SNX29: variants seen among roughly 807,000 people sequenced by gnomAD.
The protein encoded by SNX29 is sorting nexin 29, also known as sorting nexin-29.
Under a neutral mutation model 102.1 loss-of-function variants are expected in SNX29, and 78 were observed. The ratio of observed to expected loss-of-function variants is 0.76; its 90% CI spans 0.64 to 0.92. The LOEUF is 0.92. Among genes scored for constraint, SNX29 ranks in the 40% least tolerant of loss-of-function variants. The probability of loss-of-function intolerance (pLI) is 0.00; values close to 1 mark genes in which losing one functional copy is unlikely to be tolerated. For missense variants in SNX29, 1,280 were observed against 1,061.7 expected, an observed-to-expected ratio of 1.21 and a Z score of -2.86; for synonymous variants, 580 against 414.5, an observed-to-expected ratio of 1.40 and a Z score of -4.85.
intron 15 of SNX29, among the ~76,000 whole-genome samples, chr16:12,355,101 G>T (rs1004985318): frequency 6.6e-6 from 1 of 152,088 alleles, no homozygotes; most frequent in African/African-American, 2.4e-5. Context: ...TTTATAAAGG[G>T]TCTAAGTGGC....
At chr16:12,018,754 T>G (rs1460461032) in intron 3 of SNX29, among the ~76,000 whole-genome samples, 2 of 150,788 alleles carry the variant, frequency 1.3e-5, no homozygotes, top group South Asian at 2.1e-4. Context: ...GTCTTTTTTT[T>G]TTTTTTCCTT....
At chr16:12,244,177 T>C (rs1400106179) in intron 14 of SNX29, among the ~76,000 whole-genome samples, 1 of 152,110 alleles carries the variant, frequency 6.6e-6, no homozygotes, top group Non-Finnish European at 1.5e-5. Flanking sequence ...GCCACTCAAC[T>C]CCTGCTGTGT....
rs551748133 is a variant in SNX29 at position 12,157,457 on chromosome 16, G to A, written c.1595+27699G>A. On this transcript the variant is annotated intron_variant, in intron 13 of 20. Transcript: ENST00000566228. ...TAAAGGAACTTCTCTTATTGCCCAG[G>A]GCGGGAGGTTTCACAGCAGCCGTTT... is the stretch of plus-strand genomic sequence containing the variant. Among the ~76,000 whole-genome samples the A allele has an allele frequency of 2.0e-5, 3 of 152,294 alleles. No homozygotes were observed. The East Asian group carries it at 5.8e-4, about 29-fold the overall frequency.
chr16:12,255,916 A>G (rs562798536), intron 14 of SNX29, among the ~76,000 whole-genome samples: 1 of 152,186 alleles, frequency 6.6e-6, no homozygotes, highest in African/African-American at 2.4e-5. Flanking sequence ...GCTGGATCAT[A>G]TGGCAGCTCT....
intron 7 of SNX29, among the ~76,000 whole-genome samples, chr16:12,051,547 G>A (rs2151216953): frequency 6.6e-6 from 1 of 152,286 alleles, no homozygotes; most frequent in South Asian, 2.1e-4. Context: ...CCAAAGTGAA[G>A]CATTGAAGAT....
intron 15 of SNX29, among the ~76,000 whole-genome samples, chr16:12,352,058 A>G (rs1002793311): frequency 3.3e-5 from 5 of 152,186 alleles, no homozygotes; most frequent in Non-Finnish European, 7.3e-5. Flanking sequence ...CTGCCCAGCC[A>G]TGATTTGTTA....
intron 13 of SNX29, among the ~76,000 whole-genome samples, chr16:12,199,143 C>G (rs1368163401): frequency 6.6e-6 from 1 of 152,214 alleles, no homozygotes; most frequent in Non-Finnish European, 1.5e-5. Flanking sequence ...TATACAGACA[C>G]TTGACATGAT....
chr16:12,054,155 A>T (rs985392968), intron 8 of SNX29, among the ~76,000 whole-genome samples: 5 of 151,988 alleles, frequency 3.3e-5, no homozygotes, highest in African/African-American at 7.2e-5. Flanking sequence ...TTTAGTAGAG[A>T]CAGGGTTTCA....
At chr16:12,562,679 G>A (rs1487161978) in intron 20 of SNX29, among the ~76,000 whole-genome samples, 1 of 152,172 alleles carries the variant, frequency 6.6e-6, no homozygotes, top group African/African-American at 2.4e-5. Context: ...AGATTTACAG[G>A]CACTGCCTTC....
At chr16:12,248,234 A>G (rs1331736706) in intron 14 of SNX29, among the ~76,000 whole-genome samples, 1 of 152,062 alleles carries the variant, frequency 6.6e-6, no homozygotes, top group African/African-American at 2.4e-5. Flanking sequence ...TCCCCACAGG[A>G]TCCAGCCCTG....
intron 11 of SNX29, among the ~76,000 whole-genome samples, chr16:12,120,090 T>C (rs1441510139): frequency 2.6e-5 from 4 of 152,162 alleles, no homozygotes; most frequent in Admixed American, 2.6e-4. Context: ...AAAGTTAGAA[T>C]GGGCCTGAGT....
chr16:12,563,239 T>G (rs1323631664), intron 20 of SNX29, among the ~76,000 whole-genome samples: 1 of 151,952 alleles, frequency 6.6e-6, no homozygotes, highest in African/African-American at 2.4e-5. Flanking sequence ...GGCCTCCCCA[T>G]CATCACTGAC....
At chr16:12,557,313 A>C (rs1277618611) in intron 20 of SNX29, 2 of 152,168 alleles carry the variant, frequency 1.3e-5, no homozygotes, top group Non-Finnish European at 1.5e-5. Flanking sequence ...TTAGTGGCAA[A>C]GTCACCTTCA....
intron 18 of SNX29, among the ~76,000 whole-genome samples, chr16:12,430,036 G>T (rs1467915648): frequency 6.6e-6 from 1 of 152,232 alleles, no homozygotes; most frequent in Non-Finnish European, 1.5e-5. Context: ...ATTACTGCCT[G>T]AGCTCCGCCT....
intron 18 of SNX29, among the ~76,000 whole-genome samples, chr16:12,413,818 C>G (rs138127568): frequency 1.3e-5 from 2 of 152,192 alleles, no homozygotes; most frequent in East Asian, 1.9e-4. Flanking sequence ...ACTCACTTAC[C>G]GCTCCTAAAT....
chr16:12,089,598 G>C (rs556361563), intron 11 of SNX29, among the ~76,000 whole-genome samples: 1 of 152,162 alleles, frequency 6.6e-6, no homozygotes, highest in Non-Finnish European at 1.5e-5. Flanking sequence ...GTCTCAGGAT[G>C]GGGGGTTTGG....
At chr16:12,356,520 C>G (rs1471808033) in intron 16 of SNX29, among the ~76,000 whole-genome samples, 1 of 152,150 alleles carries the variant, frequency 6.6e-6, no homozygotes, top group African/African-American at 2.4e-5. Flanking sequence ...TTAAAATTGG[C>G]ATATAGTCCC....
At chr16:12,271,721 C>T (rs2079097380) in intron 14 of SNX29, among the ~76,000 whole-genome samples, 1 of 151,786 alleles carries the variant, frequency 6.6e-6, no homozygotes, top group South Asian at 2.1e-4. Flanking sequence ...CTCCTGGGTT[C>T]AAGTGATTCT....
intron 4 of SNX29, among the ~76,000 whole-genome samples, chr16:12,041,894 T>C (rs1284090267): frequency 1.3e-5 from 2 of 152,176 alleles, no homozygotes; most frequent in Non-Finnish European, 2.9e-5. Flanking sequence ...CAAATGTTGA[T>C]TTTTTTATAA....
Sources: allele counts gnomAD v4.1 joint callset (sites outside exome capture counted in the v4.1 genomes callset), GRCh38; gene constraint gnomAD v4.1.1; transcripts MANE v1.5; gene names NCBI Gene and HGNC (gene_info 2026-07-23, HGNC 2026-07-21).